Variants in NATD1 observed in about 807,000 individuals in gnomAD.
The protein encoded by NATD1 is N-acetyltransferase domain containing 1, also known as protein NATD1.
Under a neutral mutation model 12.0 loss-of-function variants are expected in NATD1, and 9 were observed. The ratio of observed to expected loss-of-function variants is 0.75; its 90% CI spans 0.45 to 1.30. The LOEUF (loss-of-function observed/expected upper bound fraction) is 1.30, where lower values mean the gene tolerates loss of function less well. Ranked by LOEUF, NATD1 falls within the 50% of genes most tolerant of loss-of-function variation. NATD1 has a pLI of 0.00. For synonymous variants in NATD1, 71 were observed against 65.9 expected, an observed-to-expected ratio of 1.08 and a Z score of -0.37; for missense variants, 148 against 148.5, an observed-to-expected ratio of 1.00 and a Z score of 0.02.
intron 1 of NATD1, among the ~76,000 whole-genome samples, chr17:21,247,223 A>G (rs1046063429): frequency 6.6e-6 from 1 of 152,232 alleles, no homozygotes; most frequent in Non-Finnish European, 1.5e-5. Flanking sequence ...CCAGGCACCC[A>G]GCTCGGCGTA....
In NATD1 at chr17:21,244,234, G is replaced by A. The variant is rs1287154764; in HGVS notation, c.107-10C>T. Reference sequence around the variant, plus strand: ...GCCCGGTCATGACATCCTGGGGGTTGTGGAGACAGGTAAGCCTATGCTGAC... The same window carrying A: ...GCCCGGTCATGACATCCTGGGGGTTATGGAGACAGGTAAGCCTATGCTGAC... On this transcript the variant is annotated splice_polypyrimidine_tract_variant and intron_variant, in intron 1 of 2. Transcript: ENST00000611551. This position sits in a 1 kb window ranked among gnomAD's most constrained non-coding sequence, Gnocchi z 5.2. 2 of 1,608,444 alleles carry A rather than the reference G, an allele frequency of 1.2e-6. No individual in the cohort carries two copies. The highest frequency in any genetic ancestry group is 2.2e-5 in the South Asian group (2 of 90,460).
Position 21,243,175 on chromosome 17 carries a change from G to A in NATD1, c.*138C>T, listed in dbSNP as rs905038765. On this transcript the variant is annotated 3_prime_UTR_variant, in exon 3 of 3. Transcript: ENST00000611551. ...GTCAGCTGCCTCCAGGGATCTGGAC[G>A]TGGGGCACAGATGAGTGTCCTTACA... 9 of 654,650 alleles carry A rather than the reference G, an allele frequency of 1.4e-5. No individual in the cohort carries two copies. The highest frequency in any genetic ancestry group is 2.1e-5 in the Non-Finnish European group (8 of 385,618). The allele number at this position is 654,650 out of a possible 1,614,324, so 40.6% of individuals were successfully genotyped here.
At position 21,244,011 on chromosome 17, in the gene NATD1, G is replaced by T; in HGVS notation, c.225+95C>A. The T allele has an allele frequency of 1.8e-6, 2 of 1,132,758 alleles. No individual in the cohort carries two copies. The highest frequency in any genetic ancestry group is 2.5e-6 in the Non-Finnish European group (2 of 796,266). The allele number at this position is 1,132,758 out of a possible 1,614,324, so 70.2% of individuals were successfully genotyped here. On this transcript the variant is annotated intron_variant, in intron 2 of 2. Coordinates refer to ENST00000611551, the MANE Select transcript of NATD1 (RefSeq NM_152914.3). The surrounding 1 kb of genome is among the most constrained non-coding windows in gnomAD (Gnocchi z 5.2). ...GAGAGGACCCAGGGCCAAGAAGCAGGCTGAAGTGGCCACCAGGGCCACCGT... is the reference window on the plus strand; with the variant it reads ...GAGAGGACCCAGGGCCAAGAAGCAGTCTGAAGTGGCCACCAGGGCCACCGT...
rs982269450 is a variant in NATD1 at position 21,241,290 on chromosome 17, T to C, written c.*2023A>G. On this transcript the variant is annotated 3_prime_UTR_variant, in exon 3 of 3. Coordinates refer to ENST00000611551, the MANE Select transcript of NATD1 (RefSeq NM_152914.3). ...GGATGGGCTGGAGGCCACAGGGACA[T>C]GGCCCCAGCTCACTGAGCTCCTGAG... is the stretch of plus-strand genomic sequence containing the variant. 6.6e-6 allele frequency: 1 copy of C among 152,272 alleles called. No homozygotes were observed. The highest frequency in any genetic ancestry group is 1.5e-5 in the Non-Finnish European group (1 of 68,130). The allele number at this position is 152,272 out of a possible 1,614,324, so 9.4% of individuals were successfully genotyped here.
Position 21,253,186 on chromosome 17 carries a change from G to T in NATD1, c.79C>A (p.Arg27Ser). ...CPIRVEHDRRRRQFTVRLNGC... is the reference protein window; with the variant it reads ...CPIRVEHDRRSRQFTVRLNGC... ...TTGAGCCGGACAGTGAACTGGCGGCGCCGGCGGTCGTGCTCCACGCGGATG... is the reference window on the plus strand; with the variant it reads ...TTGAGCCGGACAGTGAACTGGCGGCTCCGGCGGTCGTGCTCCACGCGGATG... Residue 27 changes from arginine (R) to serine (S), a missense_variant, in exon 1 of 3, where the codon CGC becomes AGC. Arg to Ser is a moderately radical substitution (Grantham distance 110). Coordinates refer to ENST00000611551, the MANE Select transcript of NATD1 (RefSeq NM_152914.3). 2.0e-6 allele frequency: 2 copies of T among 1,017,504 alleles called. No homozygotes were observed. The highest frequency in any genetic ancestry group is 1.2e-6 in the Non-Finnish European group (1 of 852,254). 63.0% of individuals were successfully genotyped at this position (1,017,504 alleles called of 1,614,324 possible).
Position 21,239,093 on chromosome 17 carries a change from C to G in NATD1, c.*4220G>C, listed in dbSNP as rs944735400. 4.6e-5 allele frequency: 7 copies of G among 152,078 alleles called. No individual in the cohort carries two copies. The highest frequency in any genetic ancestry group is 1.7e-4 in the African/African-American group (7 of 41,392). 9.4% of individuals were successfully genotyped at this position (152,078 alleles called of 1,614,324 possible). ...GGTGGACTTGAGCAAATCCAAGAAC[C>G]CTGAACTGAGGAAGAGCAGTGTGAG... On this transcript the variant is annotated 3_prime_UTR_variant, in exon 3 of 3. Coordinates refer to ENST00000611551, the MANE Select transcript of NATD1 (RefSeq NM_152914.3).
In NATD1 at chr17:21,243,279, T is replaced by C. The variant is rs1975294202; in HGVS notation, c.*34A>G. ...GCCAGGCAAAGGCCACGTGGAAGAG[T>C]CCGGCAGGGAGCGCTCCCGCCTGCA... On this transcript the variant is annotated 3_prime_UTR_variant, in exon 3 of 3. Coordinates refer to ENST00000611551, the MANE Select transcript of NATD1 (RefSeq NM_152914.3). 5 of 1,580,008 alleles carry C rather than the reference T, an allele frequency of 3.2e-6. No homozygotes were observed. Among genetic ancestry groups the C allele is most frequent in the Non-Finnish European group, 4.3e-6 (5 of 1,156,760 alleles).
intron 1 of NATD1, among the ~76,000 whole-genome samples, chr17:21,247,354 G>T (rs2144363552): frequency 6.6e-6 from 1 of 152,320 alleles, no homozygotes; most frequent in Middle Eastern, 3.4e-3. Flanking sequence ...CCTTCCCACA[G>T]CCAGGCCTGC....
chr17:21,246,525 G>GAAA (rs71160130), intron 1 of NATD1, among the ~76,000 whole-genome samples: 1 of 108,304 alleles, frequency 9.2e-6, no homozygotes. Context: ...AAAAAAAAAA[G>GAAA]AAAAAAAAAA....
rs547659323 is a variant in NATD1 at position 21,239,320 on chromosome 17, A to C, written c.*3993T>G. ...TTTTAAGGCTGTCATGAGCAGACAT[A>C]AGACCTCATATCACACAAGCTTGAT... On this transcript the variant is annotated 3_prime_UTR_variant, in exon 3 of 3. Coordinates refer to ENST00000611551, the MANE Select transcript of NATD1 (RefSeq NM_152914.3). 1 of 152,314 alleles carries C rather than the reference A, an allele frequency of 6.6e-6. No individual in the cohort carries two copies. Among genetic ancestry groups the C allele is most frequent in the African/African-American group, 2.4e-5 (1 of 41,548 alleles). 9.4% of individuals were successfully genotyped at this position (152,314 alleles called of 1,614,324 possible). A position where few individuals can be genotyped will look rare whatever the true frequency, so the allele number is the denominator to read the frequency against.
intron 1 of NATD1, among the ~76,000 whole-genome samples, chr17:21,246,954 C>A (rs1308520649): frequency 1.3e-5 from 2 of 152,162 alleles, no homozygotes; most frequent in East Asian, 1.9e-4. Context: ...GAAACCAAGT[C>A]AGAGATCCTG....
In NATD1 at chr17:21,241,791, G is replaced by A. The variant is rs1440590139; in HGVS notation, c.*1522C>T. On this transcript the variant is annotated 3_prime_UTR_variant, in exon 3 of 3. Transcript: ENST00000611551. ...CCTCCCTGCACATGCAGGTCTCCGT[G>A]GTCCTGCGTCCAGGCAGGAAGGCCC... 1 of 152,272 alleles carries A rather than the reference G, an allele frequency of 6.6e-6. No homozygotes were observed. Among genetic ancestry groups the A allele is most frequent in the African/African-American group, 2.4e-5 (1 of 41,426 alleles). 9.4% of individuals were successfully genotyped at this position (152,272 alleles called of 1,614,324 possible). A position where few individuals can be genotyped will look rare whatever the true frequency, so the allele number is the denominator to read the frequency against.
intron 1 of NATD1, among the ~76,000 whole-genome samples, chr17:21,249,103 G>A (rs1975353080): frequency 6.6e-6 from 1 of 152,148 alleles, no homozygotes; most frequent in South Asian, 2.1e-4. Flanking sequence ...ACCAAAGCTT[G>A]CAGACAGGGG....
chr17:21,251,496 G>A (rs1279000755), intron 1 of NATD1, among the ~76,000 whole-genome samples: 1 of 152,160 alleles, frequency 6.6e-6, no homozygotes, highest in Non-Finnish European at 1.5e-5. Context: ...GCAGTAGCAG[G>A]ACTTGCCTCT....
intron 1 of NATD1, among the ~76,000 whole-genome samples, chr17:21,251,716 G>A (rs1453663694): frequency 6.6e-6 from 1 of 152,216 alleles, no homozygotes; most frequent in Non-Finnish European, 1.5e-5. Context: ...CGGAGATCTG[G>A]CAGAGGCCCC....
At position 21,243,224 on chromosome 17, in the gene NATD1, AGTGGGACCAGGTTCCTGAGAGCAC is replaced by A. The variant is rs1186335205; in HGVS notation, c.*65_*88del. 3 of 981,944 alleles carry A rather than the reference AGTGGGACCAGGTTCCTGAGAGCAC, an allele frequency of 3.1e-6. No individual in the cohort carries two copies. Among genetic ancestry groups the A allele is most frequent in the Non-Finnish European group, 4.6e-6 (3 of 646,970 alleles). The allele number at this position is 981,944 out of a possible 1,614,324, so 60.8% of individuals were successfully genotyped here. A position where few individuals can be genotyped will look rare whatever the true frequency, so the allele number is the denominator to read the frequency against. On this transcript the variant is annotated 3_prime_UTR_variant, in exon 3 of 3. Transcript: ENST00000611551. Reference sequence around the variant, plus strand: ...CAAAAATAACTCTGAGTCTGTTCCCAGTGGGACCAGGTTCCTGAGAGCACGTGGGGCCAGGCAAAGGCCACGTGG... The same window carrying A: ...CAAAAATAACTCTGAGTCTGTTCCCAGTGGGGCCAGGCAAAGGCCACGTGG...
Position 21,243,149 on chromosome 17 carries a change from G to T in NATD1, c.*164C>A. ...GGTTACCGGGTCACCGCCCATCATTGGTCAGCTGCCTCCAGGGATCTGGAC... is the reference window on the plus strand; with the variant it reads ...GGTTACCGGGTCACCGCCCATCATTTGTCAGCTGCCTCCAGGGATCTGGAC... On this transcript the variant is annotated 3_prime_UTR_variant, in exon 3 of 3. Coordinates refer to ENST00000611551, the MANE Select transcript of NATD1 (RefSeq NM_152914.3). 2 of 590,132 alleles carry T rather than the reference G, an allele frequency of 3.4e-6. No individual in the cohort carries two copies. The highest frequency in any genetic ancestry group is 6.0e-6 in the Non-Finnish European group (2 of 334,724). 36.6% of individuals were successfully genotyped at this position (590,132 alleles called of 1,614,324 possible). A position where few individuals can be genotyped will look rare whatever the true frequency, so the allele number is the denominator to read the frequency against.
intron 1 of NATD1, among the ~76,000 whole-genome samples, chr17:21,252,318 A>G (rs1219664396): frequency 6.6e-6 from 1 of 152,170 alleles, no homozygotes; most frequent in Non-Finnish European, 1.5e-5. Context: ...TCAAAAAACA[A>G]AAACTTCTCT....
chr17:21,243,402 C>A lies in NATD1; in HGVS notation c.253G>T (p.Asp85Tyr), dbSNP rs749706784. The A allele has an allele frequency of 1.2e-6, 2 of 1,613,320 alleles. No individual in the cohort carries two copies. Among genetic ancestry groups the A allele is most frequent in the Admixed American group, 1.7e-5 (1 of 60,022 alleles). Residue 85 changes from aspartate (D) to tyrosine (Y), a missense_variant, in exon 3 of 3, where the codon GAC (aspartate) becomes TAC (tyrosine). Transcript: ENST00000611551. ...KAALDFVVEEDLKAHLTCWYI... is the reference protein window; with the variant it reads ...KAALDFVVEEYLKAHLTCWYI... ...CAGCAGGTGAGATGGGCCTTCAGGT[C>A]CTCCTCCACCACGAAGTCCAGGGCG... is the stretch of plus-strand genomic sequence containing the variant.
Sources: allele counts gnomAD v4.1 joint callset (sites outside exome capture counted in the v4.1 genomes callset), GRCh38; gene constraint gnomAD v4.1.1; non-coding constraint Gnocchi (gnomAD v3.1); transcripts MANE v1.5; gene names NCBI Gene and HGNC (gene_info 2026-07-23, HGNC 2026-07-21).